Variants in SOX6 observed in about 807,000 individuals in gnomAD.
The protein encoded by SOX6 is SRY-box transcription factor 6.
SOX6 carries 11 observed loss-of-function variants against 97.8 expected under a neutral mutation model. The observed-to-expected ratio is 0.11, with a 90% CI of 0.07 to 0.19. The LOEUF (loss-of-function observed/expected upper bound fraction) is 0.19. SOX6 is among the 10% of genes least tolerant of loss of function. SOX6 has a pLI of 1.00. For missense variants in SOX6, 810 were observed against 1,039.5 expected, an observed-to-expected ratio of 0.78 and a Z score of 3.04; for synonymous variants, 360 against 371.4, an observed-to-expected ratio of 0.97 and a Z score of 0.35.
chr11:16,552,322 T>C (rs535435585), intron 4 of SOX6, among the ~76,000 whole-genome samples: 2 of 152,272 alleles, frequency 1.3e-5, no homozygotes, highest in African/African-American at 2.4e-5. Flanking sequence ...AAGTCCACTA[T>C]AAAAACTTAA....
At chr11:16,466,765 C>T (rs550951013) in intron 1 of SOX6, among the ~76,000 whole-genome samples, 1 of 150,472 alleles carries the variant, frequency 6.6e-6, no homozygotes, top group Admixed American at 6.6e-5. Flanking sequence ...CCCGTCTCTA[C>T]TAAAAATACA....
chr11:16,453,219 C>A (rs1859753889), intron 1 of SOX6, among the ~76,000 whole-genome samples: 1 of 152,070 alleles, frequency 6.6e-6, no homozygotes, highest in Admixed American at 6.5e-5. Flanking sequence ...CCATCATCAA[C>A]TGTACAATAC....
intron 2 of SOX6, among the ~76,000 whole-genome samples, chr11:16,333,068 C>T (rs905302821): frequency 3.3e-5 from 5 of 152,114 alleles, no homozygotes; most frequent in Admixed American, 3.3e-4. Flanking sequence ...CCCTTTCAAC[C>T]TCATCTTCAA....
intron 1 of SOX6, among the ~76,000 whole-genome samples, chr11:16,469,490 T>C (rs543096610): frequency 1.2e-3 from 178 of 152,250 alleles, no homozygotes; most frequent in African/African-American, 3.8e-3. Flanking sequence ...GTGAACCTAT[T>C]TGCAAATCAA....
At chr11:16,214,528 C>A (rs1263592843) in intron 4 of SOX6, among the ~76,000 whole-genome samples, 1 of 152,154 alleles carries the variant, frequency 6.6e-6, no homozygotes, top group Non-Finnish European at 1.5e-5. Context: ...TTGGACCTCT[C>A]TGATCCCTTA....
intron 2 of SOX6, among the ~76,000 whole-genome samples, chr11:16,340,770 A>G (rs1221143248): frequency 6.6e-6 from 1 of 152,068 alleles, no homozygotes; most frequent in Non-Finnish European, 1.5e-5. Context: ...CCCCCCACAA[A>G]AATCAATCGA....
intron 9 of SOX6, among the ~76,000 whole-genome samples, chr11:16,073,775 T>G (rs1410340907): frequency 6.6e-6 from 1 of 152,046 alleles, no homozygotes; most frequent in Admixed American, 6.6e-5. Flanking sequence ...ATAGAAATCA[T>G]TACTAGGAAA....
intron 3 of SOX6, among the ~76,000 whole-genome samples, chr11:16,677,434 A>T (rs538866784): frequency 6.6e-6 from 1 of 152,284 alleles, no homozygotes; most frequent in South Asian, 2.1e-4. Context: ...AAAAAACTCG[A>T]TCTTCAAATT....
At chr11:16,301,630 C>T (rs1855260017) in intron 3 of SOX6, among the ~76,000 whole-genome samples, 1 of 152,142 alleles carries the variant, frequency 6.6e-6, no homozygotes, top group South Asian at 2.1e-4. Flanking sequence ...ATAAGCTACA[C>T]ATGACTCATG....
At chr11:16,042,388 G>A (rs987210557) in intron 12 of SOX6, among the ~76,000 whole-genome samples, 1 of 152,194 alleles carries the variant, frequency 6.6e-6, no homozygotes, top group Non-Finnish European at 1.5e-5. Flanking sequence ...TACCCAGGTA[G>A]AAGGTGACAA....
At chr11:16,651,375 A>G (rs1284025712) in intron 3 of SOX6, among the ~76,000 whole-genome samples, 2 of 152,316 alleles carry the variant, frequency 1.3e-5, no homozygotes, top group Non-Finnish European at 2.9e-5. Flanking sequence ...AAAATCCTCA[A>G]CAAAATATTA....
At chr11:16,180,042 T>C (rs1217435563) in intron 6 of SOX6, among the ~76,000 whole-genome samples, 1 of 151,632 alleles carries the variant, frequency 6.6e-6, no homozygotes, top group East Asian at 1.9e-4. Flanking sequence ...CCAAAGAATG[T>C]GGTATATTGG....
At chr11:16,136,923 T>A (rs895435625) in intron 6 of SOX6, among the ~76,000 whole-genome samples, 1 of 152,234 alleles carries the variant, frequency 6.6e-6, no homozygotes, top group African/African-American at 2.4e-5. Context: ...TGGTTTTACT[T>A]TGCCTGTTGT....
At chr11:16,496,908 C>T (rs1478228088) in intron 4 of SOX6, among the ~76,000 whole-genome samples, 2 of 152,316 alleles carry the variant, frequency 1.3e-5, no homozygotes, top group Middle Eastern at 3.4e-3. Flanking sequence ...CATAGCCAGA[C>T]AAAAGGCAGC....
chr11:16,160,517 T>C (rs1850720373), intron 6 of SOX6, among the ~76,000 whole-genome samples: 1 of 152,190 alleles, frequency 6.6e-6, no homozygotes, highest in Non-Finnish European at 1.5e-5. Flanking sequence ...TTTGTGGCAT[T>C]ATGCTAAGTG....
At chr11:16,411,520 T>TA (rs1056274662) in intron 1 of SOX6, among the ~76,000 whole-genome samples, 7 of 151,744 alleles carry the variant, frequency 4.6e-5, no homozygotes, top group African/African-American at 1.2e-4. Context: ...TTTCATGGAT[T>TA]AAAAAAAACA....
At chr11:16,055,571 T>C (rs536624750) in intron 10 of SOX6, among the ~76,000 whole-genome samples, 181 bp downstream of exon 10, 2 of 152,312 alleles carry the variant, frequency 1.3e-5, no homozygotes, top group Non-Finnish European at 2.9e-5. Flanking sequence ...TACGGCACTA[T>C]TGTTATCAAA....
At chr11:16,611,446 G>T (rs1848397286) in intron 4 of SOX6, among the ~76,000 whole-genome samples, 1 of 152,188 alleles carries the variant, frequency 6.6e-6, no homozygotes, top group Non-Finnish European at 1.5e-5. Flanking sequence ...ACACTGAGAA[G>T]AACTTTTACT....
intron 3 of SOX6, among the ~76,000 whole-genome samples, chr11:16,691,343 G>A (rs1848011579): frequency 6.6e-6 from 1 of 152,166 alleles, no homozygotes; most frequent in South Asian, 2.1e-4. Context: ...AGCAAATTAA[G>A]GAATATCAGA....
Sources: gnomAD v4.1 joint callset for allele counts (sites outside exome capture counted in the v4.1 genomes callset) on GRCh38, gnomAD v4.1.1 for gene constraint, MANE v1.5 for transcripts, NCBI Gene and HGNC (gene_info 2026-07-23, HGNC 2026-07-21) for gene names.